The following TNKS variants were observed in gnomAD, a reference collection of about 807,000 sequenced individuals.
TNKS encodes the protein poly [ADP-ribose] polymerase tankyrase-1.
In TNKS, 72 loss-of-function variants were observed where a neutral mutation model predicts 135.8. The ratio of observed to expected loss-of-function variants is 0.53; its 90% CI spans 0.44 to 0.64. The LOEUF is 0.64. Among genes scored for constraint, TNKS ranks in the 30% least tolerant of loss-of-function variants. The pLI is 0.00. For synonymous variants in TNKS, 849 were observed against 649.3 expected (o/e 1.31, Z -4.68); for missense variants, 1,769 against 1,674.0 (o/e 1.06, Z -0.99).
intron 9 of TNKS, among the ~76,000 whole-genome samples, chr8:9,708,900 T>G (rs867037811): frequency 5.9e-5 from 9 of 152,166 alleles, no homozygotes; most frequent in South Asian, 2.1e-4. Flanking sequence ...GCAATTGTAT[T>G]CAAAGAACTG....
chr8:9,744,331 T>C (rs1285830150), intron 17 of TNKS, among the ~76,000 whole-genome samples: 2 of 152,216 alleles, frequency 1.3e-5, no homozygotes, highest in African/African-American at 2.4e-5. Context: ...AGTAAATCAA[T>C]TGACTGATTC....
Position 9,556,496 on chromosome 8 carries a change from T to G in TNKS, c.557T>G (p.Leu186Arg). Residue 186 changes from leucine to arginine, a missense_variant, in exon 1 of 27, where the codon CTG becomes CGG. By Grantham distance (102) the Leu-to-Arg change is moderately radical. Coordinates refer to ENST00000310430, the MANE Select transcript of TNKS (RefSeq NM_003747.3). Reference protein sequence around the residue: ...VPAVSGALRELLEACRNGDVS... With the variant: ...VPAVSGALRERLEACRNGDVS... The stretch of plus-strand genomic sequence containing the variant: ...GCAGTGAGCGGGGCCCTACGGGAAC[T>G]GCTGGAGGCCTGTCGCAATGGGGAC... The G allele has an allele frequency of 6.2e-7, 1 of 1,614,174 alleles. No individual in the cohort carries two copies. The highest frequency in any genetic ancestry group is 2.2e-5 in the East Asian group (1 of 44,870).
chr8:9,631,161 C>G (rs1472948096), intron 3 of TNKS, among the ~76,000 whole-genome samples: 1 of 152,170 alleles, frequency 6.6e-6, no homozygotes, highest in Non-Finnish European at 1.5e-5. Flanking sequence ...TAACCGTTAA[C>G]TAGTTCATAA....
At chr8:9,694,427 T>C (rs925462912) in intron 5 of TNKS, among the ~76,000 whole-genome samples, 1 of 152,208 alleles carries the variant, frequency 6.6e-6, no homozygotes, top group Non-Finnish European at 1.5e-5. Context: ...GAGTAAAAGA[T>C]CGTGGCAAGT....
intron 17 of TNKS, among the ~76,000 whole-genome samples, chr8:9,744,715 C>A (rs1381772264): frequency 2.0e-5 from 3 of 152,098 alleles, no homozygotes; most frequent in South Asian, 2.1e-4. Context: ...GCCTTAAATT[C>A]CAGTTACTAT....
At chr8:9,751,876 T>G (rs200877344) in intron 19 of TNKS, 30 bp downstream of exon 19, 82 of 1,599,606 alleles carry the variant, frequency 5.1e-5, no homozygotes, top group Non-Finnish European at 6.9e-5. Context: ...GCTTATTTAT[T>G]TATACCTTTT....
chr8:9,763,702 T>C (rs1276744120), intron 22 of TNKS, among the ~76,000 whole-genome samples: 1 of 152,138 alleles, frequency 6.6e-6, no homozygotes, highest in African/African-American at 2.4e-5. Flanking sequence ...GCATAACATT[T>C]TTCCAGTCAC....
chr8:9,572,721 C>T (rs527970014), intron 1 of TNKS, among the ~76,000 whole-genome samples: 59 of 152,262 alleles, frequency 3.9e-4, no homozygotes, highest in African/African-American at 1.2e-3. Context: ...GAGGCTGCCT[C>T]CTGCACATCA....
rs372164118 is a variant in TNKS, at chr8:9,671,189, C to G, written c.995-8762C>G. The G allele has an allele frequency of 9.9e-5, 15 of 152,038 alleles. No homozygotes were observed. In the East Asian group the frequency reaches 1.5e-3, roughly 16 times the overall value. 9.4% of individuals were successfully genotyped at this position (152,038 alleles called of 1,614,324 possible). ...AGATTTCAAAAAAGACATGGTTTGG[C>G]TATTTCTTAACAAGGTTAAACAGAT... On this transcript the variant is annotated intron_variant, in intron 3 of 26. Transcript: ENST00000310430.
intron 8 of TNKS, among the ~76,000 whole-genome samples, chr8:9,707,514 T>C (rs148609538): frequency 4.6e-5 from 7 of 152,352 alleles, no homozygotes; most frequent in South Asian, 2.1e-4. Flanking sequence ...TTTTTATTTG[T>C]CATGTGTGTT....
At chr8:9,579,802 G>T (rs77628645) in intron 1 of TNKS, among the ~76,000 whole-genome samples, 1 of 152,204 alleles carries the variant, frequency 6.6e-6, no homozygotes. Context: ...TTCTATGAAT[G>T]TAGTGATGAG....
chr8:9,575,007 A>G (rs1797892683), intron 1 of TNKS: 1 of 984,292 alleles, frequency 1.0e-6, no homozygotes, highest in African/African-American at 1.7e-5. Flanking sequence ...AGGAGCTCCT[A>G]ATACCGTTGA....
chr8:9,656,085 A>G (rs935559751), intron 3 of TNKS, among the ~76,000 whole-genome samples: 2 of 152,244 alleles, frequency 1.3e-5, no homozygotes, highest in East Asian at 1.9e-4. Context: ...CACGAGAACT[A>G]TGTGACGAAT....
chr8:9,663,811 G>A (rs78943150), intron 3 of TNKS, among the ~76,000 whole-genome samples: 9,462 of 152,258 alleles, frequency 0.062, 381 homozygotes, highest in South Asian at 0.18. Context: ...AGGTCAGTGG[G>A]CAGGGGCAAG....
At chr8:9,641,884 A>T (rs1252710303) in intron 3 of TNKS, among the ~76,000 whole-genome samples, 1 of 146,158 alleles carries the variant, frequency 6.8e-6, no homozygotes, top group Non-Finnish European at 1.5e-5. Context: ...CACAAAGCAA[A>T]GAATGAATTA....
chr8:9,716,320 A>G (rs1804596696), intron 11 of TNKS, among the ~76,000 whole-genome samples: 2 of 152,134 alleles, frequency 1.3e-5, no homozygotes, highest in Admixed American at 1.3e-4. Flanking sequence ...CAAAGATGTT[A>G]AAGTACTTTT....
At chr8:9,704,013 C>G (rs935939116) in intron 5 of TNKS, among the ~76,000 whole-genome samples, 5 of 152,194 alleles carry the variant, frequency 3.3e-5, no homozygotes, top group Non-Finnish European at 7.3e-5. Context: ...GTATTCCTCT[C>G]TTGTCTTTAC....
At chr8:9,770,536 C>T (rs1340663112) in intron 26 of TNKS, among the ~76,000 whole-genome samples, 1 of 152,224 alleles carries the variant, frequency 6.6e-6, no homozygotes, top group African/African-American at 2.4e-5. Context: ...TTGAGGCCTG[C>T]AGCTCTGAAC....
intron 2 of TNKS, among the ~76,000 whole-genome samples, chr8:9,597,570 T>C (rs1198101061): frequency 6.6e-6 from 1 of 152,230 alleles, no homozygotes; most frequent in Non-Finnish European, 1.5e-5. Context: ...ATATTGCATA[T>C]AGGATTATGG....
Sources: allele counts gnomAD v4.1 joint callset (sites outside exome capture counted in the v4.1 genomes callset), GRCh38; gene constraint gnomAD v4.1.1; transcripts MANE v1.5; gene names NCBI Gene and HGNC (gene_info 2026-07-23, HGNC 2026-07-21).